NFIB: variants seen among roughly 807,000 people sequenced by gnomAD.
NFIB encodes the protein nuclear factor 1 B-type.
In NFIB, 11 loss-of-function variants were observed where a neutral mutation model predicts 61.5. The ratio of observed to expected loss-of-function variants is 0.18; its 90% CI spans 0.11 to 0.30. The LOEUF is 0.30. Among genes scored for constraint, NFIB ranks in the 10% least tolerant of loss-of-function variants. NFIB has a pLI of 1.00. For synonymous variants in NFIB, 260 were observed against 216.5 expected (o/e 1.20, Z -1.76); for missense variants, 471 against 608.9 (o/e 0.77, Z 2.38).
the NFIB span, among the ~76,000 whole-genome samples, chr9:14,410,254 C>G: frequency 9.2e-5 from 14 of 151,538 alleles, no homozygotes; most frequent in Non-Finnish European, 1.8e-4. Flanking sequence ...CAAGCAGATT[C>G]TGGATATTGT....
chr9:14,446,601 G>T, the NFIB span, among the ~76,000 whole-genome samples: 1 of 152,034 alleles, frequency 6.6e-6, no homozygotes, highest in East Asian at 1.9e-4. Flanking sequence ...ATTTATGTGT[G>T]TCATATATAT....
chr9:14,157,913 C>T (rs2043629607), intron 3 of NFIB, among the ~76,000 whole-genome samples: 1 of 151,890 alleles, frequency 6.6e-6, no homozygotes, highest in South Asian at 2.1e-4. Context: ...GAGTTTGAGA[C>T]CAGCCTGGCC....
chr9:14,531,888 GGAA>G, the NFIB span: 1 of 152,142 alleles, frequency 6.6e-6, no homozygotes, highest in Non-Finnish European at 1.5e-5. Context: ...GAGCTCGAAA[GGAA>G]GAAGGGAGGG....
chr9:14,366,486 C>CT (rs58899172), intron 1 of NFIB, among the ~76,000 whole-genome samples: 27 of 147,714 alleles, frequency 1.8e-4, no homozygotes, highest in South Asian at 4.3e-4. Flanking sequence ...TAATTTTATT[C>CT]TTTTTTTTTT....
At chr9:14,442,170 A>G in the NFIB span, among the ~76,000 whole-genome samples, 2 of 151,884 alleles carry the variant, frequency 1.3e-5, no homozygotes, top group African/African-American at 4.8e-5. Context: ...CACCTCGCTT[A>G]ATCACCACCC....
chr9:14,215,081 T>C (rs906323704), intron 2 of NFIB, among the ~76,000 whole-genome samples: 8 of 152,242 alleles, frequency 5.3e-5, no homozygotes, highest in Admixed American at 2.6e-4. Flanking sequence ...ATATTACTTA[T>C]AATTTTTCAA....
intron 2 of NFIB, among the ~76,000 whole-genome samples, chr9:14,198,433 T>C (rs570821461): frequency 6.6e-6 from 1 of 152,360 alleles, no homozygotes; most frequent in South Asian, 2.1e-4. Context: ...AAAGTGTTTG[T>C]TGTCAGTGGA....
At chr9:14,253,023 A>C (rs1406792216) in intron 2 of NFIB, among the ~76,000 whole-genome samples, 2 of 152,204 alleles carry the variant, frequency 1.3e-5, no homozygotes, top group African/African-American at 4.8e-5. Flanking sequence ...AAAAAAGACC[A>C]AAAACAATTA....
At chr9:14,518,365 C>T in the NFIB span, among the ~76,000 whole-genome samples, 21 of 152,198 alleles carry the variant, frequency 1.4e-4, no homozygotes, top group East Asian at 3.7e-3. Flanking sequence ...TCTTTTCCTG[C>T]CTTCTGTACC....
intron 1 of NFIB, among the ~76,000 whole-genome samples, chr9:14,388,005 G>C (rs1379227906): frequency 6.6e-6 from 1 of 152,158 alleles, no homozygotes; most frequent in East Asian, 1.9e-4. Context: ...CTCTGCCCTA[G>C]AGAAGCTTAT....
intron 1 of NFIB, among the ~76,000 whole-genome samples, chr9:14,393,164 A>G (rs1159870253): frequency 6.8e-6 from 1 of 147,040 alleles, no homozygotes; most frequent in African/African-American, 2.5e-5. Context: ...TCCTTCTAAT[A>G]ACTTTCTTCC....
At chr9:14,150,384 T>C (rs1563837377) in intron 4 of NFIB, 119 bp from the exon 5 acceptor site, 20 of 1,524,032 alleles carry the variant, frequency 1.3e-5, no homozygotes, top group Non-Finnish European at 1.8e-5. Context: ...TTTCTTCACC[T>C]TAAGCCTCTA....
chr9:14,514,826 C>T, the NFIB span, among the ~76,000 whole-genome samples: 4 of 152,152 alleles, frequency 2.6e-5, no homozygotes, highest in African/African-American at 9.7e-5. Flanking sequence ...CGTGGGTCTT[C>T]TCTCAACCAA....
intron 1 of NFIB, among the ~76,000 whole-genome samples, chr9:14,324,281 A>T (rs1368472191): frequency 6.6e-6 from 1 of 152,170 alleles, no homozygotes. Flanking sequence ...ATTTAGTACT[A>T]AGGAAACAAA....
intron 2 of NFIB, among the ~76,000 whole-genome samples, chr9:14,201,249 A>G (rs561474598): frequency 6.6e-6 from 1 of 152,274 alleles, no homozygotes; most frequent in Non-Finnish European, 1.5e-5. Flanking sequence ...GTGGCTTCCA[A>G]TTGCTAGCTA....
chr9:14,506,659 C>T, the NFIB span, among the ~76,000 whole-genome samples: 2,398 of 152,208 alleles, frequency 0.016, 48 homozygotes, highest in African/African-American at 0.053. Flanking sequence ...TTCTAAATAG[C>T]CTCACCTTTC....
At chr9:14,334,161 AATGGAGAT>A (rs1382413845) in intron 1 of NFIB, among the ~76,000 whole-genome samples, 1 of 152,216 alleles carries the variant, frequency 6.6e-6, no homozygotes, top group East Asian at 1.9e-4. Flanking sequence ...CAATATAAAT[AATGGAGAT>A]ATGAACATTG....
chr9:14,444,698 G>A, the NFIB span, among the ~76,000 whole-genome samples: 1 of 152,014 alleles, frequency 6.6e-6, no homozygotes, highest in African/African-American at 2.4e-5. Context: ...CCTTATCCCC[G>A]TTTACTCTTT....
upstream of NFIB, among the ~76,000 whole-genome samples, chr9:14,402,401 A>C (rs949065177): frequency 1.4e-4 from 21 of 152,192 alleles, no homozygotes; most frequent in African/African-American, 4.8e-4. Context: ...AGAAAAATGA[A>C]CAGTTTCAGT....
Sources: gnomAD v4.1 joint callset for allele counts (sites outside exome capture counted in the v4.1 genomes callset) on GRCh38, gnomAD v4.1.1 for gene constraint, MANE v1.5 for transcripts, NCBI Gene and HGNC (gene_info 2026-07-23, HGNC 2026-07-21) for gene names.